KCNMB2: variants seen among roughly 807,000 people sequenced by gnomAD.
KCNMB2 encodes the protein calcium-activated potassium channel subunit beta-2.
KCNMB2 carries 9 observed loss-of-function variants against 24.5 expected under a neutral mutation model. That is an observed-to-expected ratio of 0.37 (90% CI 0.22 to 0.64). The LOEUF (loss-of-function observed/expected upper bound fraction) is 0.64. Among genes scored for constraint, KCNMB2 ranks in the 30% least tolerant of loss-of-function variants. The probability of loss-of-function intolerance (pLI) is 0.63; values close to 1 mark genes in which losing one functional copy is unlikely to be tolerated. For missense variants in KCNMB2, 226 were observed against 284.3 expected, an observed-to-expected ratio of 0.79 and a Z score of 1.47; for synonymous variants, 109 against 104.4, an observed-to-expected ratio of 1.04 and a Z score of -0.27.
chr3:178,773,396 C>T (rs9829191), intron 1 of KCNMB2, among the ~76,000 whole-genome samples: 3 of 152,014 alleles, frequency 2.0e-5, no homozygotes, highest in African/African-American at 7.2e-5. Context: ...GCAGTAAATG[C>T]TCAATAATAT....
intron 2 of KCNMB2, among the ~76,000 whole-genome samples, chr3:178,822,548 C>G (rs375053241): frequency 1.3e-5 from 2 of 151,938 alleles, no homozygotes; most frequent in Non-Finnish European, 2.9e-5. Flanking sequence ...AAACTGAACT[C>G]TGCTCTTCCA....
chr3:178,744,067 T>G (rs1034297197), intron 1 of KCNMB2, among the ~76,000 whole-genome samples: 2 of 152,224 alleles, frequency 1.3e-5, no homozygotes, highest in African/African-American at 4.8e-5. Flanking sequence ...AAATCTTTTT[T>G]TAACTACCTG....
chr3:178,833,414 GA>G (rs765227660), intron 4 of KCNMB2, among the ~76,000 whole-genome samples: 2 of 152,122 alleles, frequency 1.3e-5, no homozygotes, highest in Non-Finnish European at 2.9e-5. Flanking sequence ...TTACTTTCTA[GA>G]AAGCTAGCCT....
intron 1 of KCNMB2, among the ~76,000 whole-genome samples, chr3:178,753,302 A>G (rs930778592): frequency 1.3e-5 from 2 of 152,212 alleles, no homozygotes; most frequent in Admixed American, 6.6e-5. Context: ...GGTAGCCACG[A>G]TGATCACAAG....
chr3:178,547,717 GC>G (rs1560104954), intron 1 of KCNMB2, among the ~76,000 whole-genome samples: 1 of 151,934 alleles, frequency 6.6e-6, no homozygotes, highest in Non-Finnish European at 1.5e-5. Context: ...ACACTTTAGA[GC>G]TTTTTTCAGT....
At chr3:178,665,534 T>C (rs1720688309) in intron 1 of KCNMB2, among the ~76,000 whole-genome samples, 1 of 152,206 alleles carries the variant, frequency 6.6e-6, no homozygotes, top group Admixed American at 6.6e-5. Context: ...AACTGCTTAA[T>C]TTATCTTTAC....
chr3:178,659,613 C>T (rs1047696830), intron 1 of KCNMB2, among the ~76,000 whole-genome samples: 18 of 152,054 alleles, frequency 1.2e-4, no homozygotes, highest in African/African-American at 4.3e-4. Flanking sequence ...AAGACATGGC[C>T]CCAGATTTGG....
chr3:178,552,775 TTAG>T (rs1199635808), intron 1 of KCNMB2, among the ~76,000 whole-genome samples: 8 of 152,190 alleles, frequency 5.3e-5, no homozygotes, highest in African/African-American at 1.9e-4. Context: ...ATTATTATAA[TTAG>T]TATTCAAAAG....
chr3:178,730,267 C>A (rs1294083494), intron 1 of KCNMB2, among the ~76,000 whole-genome samples: 1 of 152,142 alleles, frequency 6.6e-6, no homozygotes, highest in Non-Finnish European at 1.5e-5. Flanking sequence ...ATAACTTGCT[C>A]ATGATACAGA....
intron 1 of KCNMB2, among the ~76,000 whole-genome samples, chr3:178,758,084 A>ATC (rs1209602507): frequency 7.7e-5 from 7 of 91,086 alleles, no homozygotes; most frequent in Admixed American, 3.9e-4. Flanking sequence ...ATATATATAC[A>ATC]CAAGAGGATA....
chr3:178,598,429 T>C (rs1717956392), intron 1 of KCNMB2, among the ~76,000 whole-genome samples: 1 of 151,940 alleles, frequency 6.6e-6, no homozygotes, highest in Admixed American at 6.6e-5. Flanking sequence ...TGTTCACTCA[T>C]TCACTCATTC....
chr3:178,543,854 A>AT (rs1560103866), intron 1 of KCNMB2, among the ~76,000 whole-genome samples: 1 of 152,064 alleles, frequency 6.6e-6, no homozygotes, highest in African/African-American at 2.4e-5. Context: ...TTAAGATTGG[A>AT]TTTTTTTCTT....
chr3:178,775,082 G>A (rs530974363), intron 1 of KCNMB2, among the ~76,000 whole-genome samples: 2 of 152,260 alleles, frequency 1.3e-5, no homozygotes, highest in South Asian at 4.1e-4. Flanking sequence ...TTCCAGAAAT[G>A]CATCTAAAGT....
chr3:178,692,857 G>T (rs554498458), intron 1 of KCNMB2, among the ~76,000 whole-genome samples: 2 of 152,272 alleles, frequency 1.3e-5, no homozygotes, highest in African/African-American at 2.4e-5. Flanking sequence ...CCATTTTAAT[G>T]ATATTGATTA....
intron 1 of KCNMB2, among the ~76,000 whole-genome samples, chr3:178,709,002 A>G (rs564879180): frequency 9.8e-5 from 15 of 152,336 alleles, no homozygotes; most frequent in Admixed American, 8.5e-4. Context: ...TTTCTGATTT[A>G]TAAGAAGCTT....
chr3:178,559,547 T>C (rs1331692550), intron 1 of KCNMB2, among the ~76,000 whole-genome samples: 2 of 151,630 alleles, frequency 1.3e-5, no homozygotes, highest in Non-Finnish European at 2.9e-5. Context: ...AGGCAACAAG[T>C]GTCTAGTCTT....
Position 178,557,122 on chromosome 3 carries a change from C to T in KCNMB2, c.-68+20411C>T, listed in dbSNP as rs767879966. On this transcript the variant is annotated intron_variant, in intron 1 of 4. Transcript: ENST00000452583. ...CCACAGCACTGGTTATCAACCCTTT[C>T]TTAACATAAAACTCACTTAGGACCC... 7.3e-4 allele frequency among the ~76,000 whole-genome samples: 111 copies of T among 152,294 alleles called. 1 individual carries two copies. Among genetic ancestry groups the T allele is most frequent in the Non-Finnish European group, 8.5e-4 (58 of 68,020 alleles).
chr3:178,786,823 T>A (rs556779413), intron 1 of KCNMB2, among the ~76,000 whole-genome samples: 1 of 151,308 alleles, frequency 6.6e-6, no homozygotes, highest in South Asian at 2.1e-4. Context: ...TAAAAAAACC[T>A]ACTTGCAATT....
chr3:178,549,569 C>A (rs758735658), intron 1 of KCNMB2, among the ~76,000 whole-genome samples: 1 of 149,422 alleles, frequency 6.7e-6, no homozygotes, highest in Non-Finnish European at 1.5e-5. Flanking sequence ...TCAGGTGATC[C>A]GCCTGCCTCA....
Sources: allele counts gnomAD v4.1 joint callset (sites outside exome capture counted in the v4.1 genomes callset), GRCh38; gene constraint gnomAD v4.1.1; transcripts MANE v1.5; gene names NCBI Gene and HGNC (gene_info 2026-07-23, HGNC 2026-07-21).